Variants in LMF1 observed in about 807,000 individuals in gnomAD.
LMF1 encodes transmembrane protein 112.
A neutral mutation model predicts 60.6 loss-of-function variants in LMF1; 68 were observed. The observed-to-expected ratio is 1.12, with a 90% CI of 0.92 to 1.37. The LOEUF is 1.37. LMF1 is among the 40% of genes most tolerant of loss of function. LMF1 has a pLI of 0.00. For missense variants in LMF1, 948 were observed against 767.2 expected (o/e 1.24, Z -2.78); for synonymous variants, 418 against 324.7 (o/e 1.29, Z -3.09).
intron 3 of LMF1, among the ~76,000 whole-genome samples, chr16:914,649 T>TTTCC (rs202057081): frequency 4.2e-5 from 1 of 23,734 alleles, no homozygotes; most frequent in Admixed American, 4.8e-4. Context: ...CCCTCCCTCC[T>TTTCC]CATGACCATT....
chr16:894,684 G>A (rs1418123668), intron 4 of LMF1, among the ~76,000 whole-genome samples: 1 of 152,232 alleles, frequency 6.6e-6, no homozygotes, highest in Non-Finnish European at 1.5e-5. Flanking sequence ...TGGGCTCTGG[G>A]GCAGCCGCAC....
chr16:871,108 A>T, intron 7 of LMF1, 53 bp downstream of exon 7: 1 of 1,491,182 alleles, frequency 6.7e-7, no homozygotes, highest in Non-Finnish European at 8.9e-7. Context: ...TGGGGCTGGC[A>T]CCACCCGACT....
intron 10 of LMF1, among the ~76,000 whole-genome samples, chr16:861,210 C>T (rs944577222): frequency 4.6e-5 from 7 of 152,030 alleles, no homozygotes; most frequent in South Asian, 2.1e-4. Context: ...CTAAGTATTT[C>T]GCTTTTTGGA....
intron 10 of LMF1, among the ~76,000 whole-genome samples, chr16:857,613 G>GC (rs146101756): frequency 3.1e-4 from 14 of 45,620 alleles, no homozygotes; most frequent in East Asian, 1.3e-3. Context: ...GGACGGGTGT[G>GC]AGTGATGTCA....
chr16:860,623 G>GAGCCGCTGCGCCC (rs2069433923), intron 10 of LMF1, among the ~76,000 whole-genome samples: 1 of 152,098 alleles, frequency 6.6e-6, no homozygotes, highest in South Asian at 2.1e-4. Flanking sequence ...TTACAGATGT[G>GAGCCGCTGCGCCC]GGCCACCATG....
chr16:887,378 G>A (rs2070340346), intron 5 of LMF1, among the ~76,000 whole-genome samples: 1 of 152,252 alleles, frequency 6.6e-6, no homozygotes, highest in East Asian at 1.9e-4. Flanking sequence ...TACACTGCGT[G>A]GAAGCTGGCC....
At chr16:915,594 G>A (rs141424963) in intron 3 of LMF1, among the ~76,000 whole-genome samples, 2 of 152,092 alleles carry the variant, frequency 1.3e-5, no homozygotes, top group East Asian at 1.9e-4. Context: ...CTGGGCAGCC[G>A]GCAGCACACT....
chr16:926,560 G>A (rs75704723), intron 3 of LMF1, among the ~76,000 whole-genome samples: 1,723 of 152,384 alleles, frequency 0.011, 40 homozygotes, highest in African/African-American at 0.039. Flanking sequence ...GGACGGAACC[G>A]GGAGGTTAAC....
intron 3 of LMF1, among the ~76,000 whole-genome samples, chr16:929,421 G>T (rs1360586085): frequency 1.3e-5 from 2 of 152,352 alleles, no homozygotes; most frequent in African/African-American, 4.8e-5. Context: ...ACACTTGGGG[G>T]ACGGTGCATT....
At chr16:888,428 C>A (rs1466728543) in intron 5 of LMF1, among the ~76,000 whole-genome samples, 3 of 152,216 alleles carry the variant, frequency 2.0e-5, no homozygotes, top group African/African-American at 7.2e-5. Context: ...AGTGAGTTTT[C>A]TCTGCATCAA....
chr16:889,253 G>A (rs985897191), intron 5 of LMF1, among the ~76,000 whole-genome samples: 2 of 152,196 alleles, frequency 1.3e-5, no homozygotes, highest in Admixed American at 6.5e-5. Context: ...TTGGAACTTG[G>A]GGATGCCTTC....
At chr16:921,799 C>G (rs1053658787) in intron 3 of LMF1, among the ~76,000 whole-genome samples, 37 of 152,302 alleles carry the variant, frequency 2.4e-4, no homozygotes, top group African/African-American at 8.2e-4. Flanking sequence ...TGAACAGAAC[C>G]TACGGCATCC....
At chr16:930,667 C>T (rs2071754520) in intron 3 of LMF1, among the ~76,000 whole-genome samples, 1 of 152,254 alleles carries the variant, frequency 6.6e-6, no homozygotes, top group African/African-American at 2.4e-5. Flanking sequence ...TCACTAAGAG[C>T]AGCCGTGTGT....
At chr16:979,063 G>C (rs945943453) in intron 1 of LMF1, 1 of 454,008 alleles carries the variant, frequency 2.2e-6, no homozygotes, top group African/African-American at 2.0e-5. Context: ...GCGTCTGCAG[G>C]GCAGGAGCTG....
At chr16:967,738 G>A (rs1337783900) in intron 1 of LMF1, among the ~76,000 whole-genome samples, 1 of 152,242 alleles carries the variant, frequency 6.6e-6, no homozygotes, top group African/African-American at 2.4e-5. Context: ...TGAACCGGGT[G>A]TCCAGGATAC....
At chr16:910,330 G>A (rs1273883834) in intron 4 of LMF1, among the ~76,000 whole-genome samples, 1 of 152,154 alleles carries the variant, frequency 6.6e-6, no homozygotes, top group Non-Finnish European at 1.5e-5. Flanking sequence ...CCAGGGCCCA[G>A]GAGGGAACCC....
chr16:946,505 CA>C (rs774342764), intron 2 of LMF1, among the ~76,000 whole-genome samples: 20 of 152,358 alleles, frequency 1.3e-4, no homozygotes, highest in Non-Finnish European at 2.4e-4. Context: ...TCCGCTAAGG[CA>C]ACTGATCCAA....
At chr16:894,188 T>C (rs866412923) in intron 4 of LMF1, among the ~76,000 whole-genome samples, 107 of 1,162 alleles carry the variant, frequency 0.092, no homozygotes, top group African/African-American at 0.27. Context: ...TCCACTGGAC[T>C]GTCCGCCCAC....
intron 9 of LMF1, chr16:869,454 C>T: frequency 1.8e-6 from 1 of 544,610 alleles, no homozygotes. Flanking sequence ...TTCGCTGAGA[C>T]AGGGTCTGGC....
Sources: gnomAD v4.1 joint callset for allele counts (sites outside exome capture counted in the v4.1 genomes callset) on GRCh38, gnomAD v4.1.1 for gene constraint, MANE v1.5 for transcripts, NCBI Gene and HGNC (gene_info 2026-07-23, HGNC 2026-07-21) for gene names.